The following DLGAP2 variants were observed in gnomAD, a reference collection of about 807,000 sequenced individuals.
The protein encoded by DLGAP2 is disks large-associated protein 2.
A neutral mutation model predicts 100.3 loss-of-function variants in DLGAP2; 26 were observed. The observed-to-expected ratio is 0.26, with a 90% CI of 0.19 to 0.36. The LOEUF is 0.36. Among genes scored for constraint, DLGAP2 ranks in the 10% least tolerant of loss-of-function variants. The pLI, the probability that DLGAP2 is intolerant of heterozygous loss-of-function variation, is 1.00. For missense variants in DLGAP2, 1,858 were observed against 1,453.2 expected, an observed-to-expected ratio of 1.28 and a Z score of -4.53; for synonymous variants, 886 against 630.1, an observed-to-expected ratio of 1.41 and a Z score of -6.08.
intron 2 of DLGAP2, among the ~76,000 whole-genome samples, chr8:1,187,775 G>A (rs867101591): frequency 7.6e-6 from 1 of 132,262 alleles, no homozygotes; most frequent in Non-Finnish European, 1.5e-5. Flanking sequence ...TCACACGCCC[G>A]GGACCTCTGT....
intron 3 of DLGAP2, among the ~76,000 whole-genome samples, chr8:1,456,300 C>T (rs1798308621): frequency 6.6e-6 from 1 of 152,212 alleles, no homozygotes; most frequent in Non-Finnish European, 1.5e-5. Context: ...TACACACACG[C>T]TTCTCCCAGG....
At chr8:1,322,859 C>T (rs1800937913) in intron 3 of DLGAP2, among the ~76,000 whole-genome samples, 1 of 152,170 alleles carries the variant, frequency 6.6e-6, no homozygotes, top group South Asian at 2.1e-4. Flanking sequence ...TATGATGTAT[C>T]ATTTGTCACA....
At chr8:1,189,888 G>C (rs1361277604) in intron 2 of DLGAP2, among the ~76,000 whole-genome samples, 1 of 152,198 alleles carries the variant, frequency 6.6e-6, no homozygotes, top group African/African-American at 2.4e-5. Flanking sequence ...GAGGTGATGG[G>C]GGAGGGTAAC....
intron 2 of DLGAP2, among the ~76,000 whole-genome samples, chr8:1,168,252 G>C (rs1278663545): frequency 6.6e-6 from 1 of 151,864 alleles, no homozygotes; most frequent in Non-Finnish European, 1.5e-5. Context: ...TGGTGTATAG[G>C]TGCCACATTT....
At chr8:1,233,449 C>T (rs1457080863) in intron 2 of DLGAP2, among the ~76,000 whole-genome samples, 2 of 152,208 alleles carry the variant, frequency 1.3e-5, no homozygotes, top group African/African-American at 4.8e-5. Context: ...CTGCCTACCA[C>T]GGGCCTGAAT....
At chr8:1,410,851 TA>T (rs1298338821) in intron 3 of DLGAP2, among the ~76,000 whole-genome samples, 4 of 144,796 alleles carry the variant, frequency 2.8e-5, no homozygotes, top group Non-Finnish European at 6.1e-5. Context: ...TTTTTTTTTT[TA>T]AACTTCCTTG....
intron 2 of DLGAP2, among the ~76,000 whole-genome samples, chr8:1,132,682 C>A (rs1796319292): frequency 1.3e-5 from 2 of 152,212 alleles, no homozygotes; most frequent in Non-Finnish European, 1.5e-5. Flanking sequence ...GACCAGGCAG[C>A]TGCCGCTCTA....
intron 6 of DLGAP2, among the ~76,000 whole-genome samples, chr8:1,589,280 T>G (rs749602988): frequency 2.0e-5 from 3 of 152,248 alleles, no homozygotes; most frequent in African/African-American, 7.2e-5. Flanking sequence ...AACACTGCAT[T>G]TAAAAACAAA....
intron 2 of DLGAP2, among the ~76,000 whole-genome samples, chr8:973,411 G>T (rs1800072505): frequency 6.6e-6 from 1 of 152,072 alleles, no homozygotes; most frequent in Non-Finnish European, 1.5e-5. Context: ...CGGCCGGGCA[G>T]AGACGCTCCT....
intron 2 of DLGAP2, among the ~76,000 whole-genome samples, chr8:1,130,830 G>A (rs1028794859): frequency 1.4e-5 from 2 of 140,512 alleles, no homozygotes; most frequent in Non-Finnish European, 3.2e-5. Flanking sequence ...AGAGACCGGA[G>A]ATGGGCCTCC....
intron 3 of DLGAP2, among the ~76,000 whole-genome samples, chr8:1,485,487 C>T (rs1238109995): frequency 6.6e-6 from 1 of 152,236 alleles, no homozygotes; most frequent in Admixed American, 6.5e-5. Flanking sequence ...GTAATGGACT[C>T]GCTGGATGCA....
Position 1,282,128 on chromosome 8 carries a change from G to A in DLGAP2, c.106+23245G>A, listed in dbSNP as rs926979174. On this transcript the variant is annotated intron_variant, in intron 3 of 14. Transcript: ENST00000637795. ...CAGCACTCTGAACCATCCGGACATG[G>A]TGTGACCTGAACCCAGCGCATGTAC... Among the ~76,000 whole-genome samples the A allele has an allele frequency of 1.7e-4, 26 of 148,714 alleles. 1 individual carries two copies. The highest frequency in any genetic ancestry group is 6.3e-4 in the African/African-American group (25 of 39,866).
At chr8:1,472,798 C>G (rs1270414734) in intron 3 of DLGAP2, among the ~76,000 whole-genome samples, 1 of 152,160 alleles carries the variant, frequency 6.6e-6, no homozygotes, top group Non-Finnish European at 1.5e-5. Context: ...CCATAAAATG[C>G]AAAACAGAGT....
intron 2 of DLGAP2, among the ~76,000 whole-genome samples, chr8:965,102 C>T (rs908983631): frequency 2.1e-5 from 3 of 142,710 alleles, no homozygotes; most frequent in East Asian, 2.2e-4. Flanking sequence ...ATCACACACG[C>T]GGCTCCAGAG....
chr8:1,039,302 A>ATGGTCGGCTCGGTTTCCG (rs1802229188), intron 2 of DLGAP2, among the ~76,000 whole-genome samples: 1 of 123,414 alleles, frequency 8.1e-6, no homozygotes, highest in South Asian at 2.9e-4. Flanking sequence ...CTCGGTTTCC[A>ATGGTCGGCTCGGTTTCCG]TGGTCAGCTC....
intron 1 of DLGAP2, among the ~76,000 whole-genome samples, chr8:791,864 A>G (rs1466192397): frequency 6.6e-6 from 1 of 152,100 alleles, no homozygotes; most frequent in Non-Finnish European, 1.5e-5. Flanking sequence ...ACACACATGC[A>G]CTGTTTTCTG....
chr8:776,148 G>A (rs1421818378), intron 1 of DLGAP2, among the ~76,000 whole-genome samples: 1 of 150,640 alleles, frequency 6.6e-6, no homozygotes, highest in Non-Finnish European at 1.5e-5. Flanking sequence ...AGAGGTGTTT[G>A]TAGTATTCTC....
chr8:1,104,017 A>G (rs548207020), intron 2 of DLGAP2, among the ~76,000 whole-genome samples: 1 of 152,310 alleles, frequency 6.6e-6, no homozygotes, highest in Non-Finnish European at 1.5e-5. Flanking sequence ...ACAAGAACAC[A>G]AAGCGCTTGC....
At chr8:960,235 A>ATTTTTTTTTTTTTTTTTTTTTT (rs1209692955) in intron 2 of DLGAP2, among the ~76,000 whole-genome samples, 23 of 8,266 alleles carry the variant, frequency 2.8e-3, no homozygotes, top group Non-Finnish European at 3.5e-3. Context: ...CCTGAAGTAT[A>ATTTTTTTTTTTTTTTTTTTTTT]TCTTTTTTTT....
Sources: gnomAD v4.1 joint callset for allele counts (sites outside exome capture counted in the v4.1 genomes callset) on GRCh38, gnomAD v4.1.1 for gene constraint, MANE v1.5 for transcripts, NCBI Gene and HGNC (gene_info 2026-07-23, HGNC 2026-07-21) for gene names.